The following COL21A1 variants were observed in gnomAD, a reference collection of about 807,000 sequenced individuals.
COL21A1 encodes the protein collagen alpha-1(XXI) chain.
In COL21A1, 149 loss-of-function variants were observed where a neutral mutation model predicts 137.9. The ratio of observed to expected loss-of-function variants is 1.08; its 90% CI spans 0.95 to 1.24. The LOEUF (loss-of-function observed/expected upper bound fraction) is 1.24. Ranked by LOEUF, COL21A1 falls within the 50% of genes most tolerant of loss-of-function variation. The probability of loss-of-function intolerance (pLI) is 0.00; values close to 1 mark genes in which losing one functional copy is unlikely to be tolerated. For synonymous variants in COL21A1, 456 were observed against 391.5 expected (o/e 1.16, Z -1.95); for missense variants, 1,167 against 1,158.4 (o/e 1.01, Z -0.11).
chr6:56,120,924 T>C (rs1772448278), intron 16 of COL21A1, among the ~76,000 whole-genome samples: 1 of 152,204 alleles, frequency 6.6e-6, no homozygotes, highest in South Asian at 2.1e-4. Context: ...TCTGTGTTTC[T>C]GGCAGCACTT....
At chr6:56,063,022 G>A (rs1765947318) in intron 24 of COL21A1, among the ~76,000 whole-genome samples, 1 of 152,236 alleles carries the variant, frequency 6.6e-6, no homozygotes, top group East Asian at 1.9e-4. Context: ...CTAAGACTGT[G>A]TTTACATGAA....
At chr6:56,091,277 C>T (rs1483229646) in intron 17 of COL21A1, among the ~76,000 whole-genome samples, 1 of 152,154 alleles carries the variant, frequency 6.6e-6, no homozygotes, top group African/African-American at 2.4e-5. Flanking sequence ...GTAACTTGGA[C>T]TGGCTCAGCA....
chr6:56,211,454 C>A (rs1780172648), intron 1 of COL21A1, among the ~76,000 whole-genome samples: 1 of 151,922 alleles, frequency 6.6e-6, no homozygotes, highest in Admixed American at 6.6e-5. Flanking sequence ...CAGAAATATT[C>A]TTTCCTGTTC....
At chr6:56,082,760 G>C (rs1767900424) in intron 17 of COL21A1, among the ~76,000 whole-genome samples, 1 of 151,582 alleles carries the variant, frequency 6.6e-6, no homozygotes, top group Non-Finnish European at 1.5e-5. Context: ...GTTTGATAAA[G>C]AAAACACACT....
chr6:56,306,061 C>CCCCA (rs1562048198), intron 1 of COL21A1, among the ~76,000 whole-genome samples: 1 of 29,208 alleles, frequency 3.4e-5, no homozygotes, highest in South Asian at 0.019. Context: ...TGAATATTGG[C>CCCCA]ACTCTCTTCT....
At chr6:56,201,109 G>A (rs1182798759) in intron 1 of COL21A1, among the ~76,000 whole-genome samples, 1 of 152,114 alleles carries the variant, frequency 6.6e-6, no homozygotes, top group Non-Finnish European at 1.5e-5. Flanking sequence ...CTTCTTTTGA[G>A]AAGTGTCTGT....
rs1763245500 is a variant in COL21A1 at position 56,260,701 on chromosome 6, C to CAGTA, written c.-38-78046_-38-78045insTACT. Reference sequence around the variant, plus strand: ...GAAGGAAGGAAGGAAGGCAGGCAGGCAGGCAGGCAGGCAGGAAGGGAGGCA... The same window carrying CAGTA: ...GAAGGAAGGAAGGAAGGCAGGCAGGCAGTAAGGCAGGCAGGCAGGAAGGGAGGCA... On this transcript the variant is annotated intron_variant, in intron 1 of 28. Transcript: ENST00000370819. 2.4e-5 allele frequency among the ~76,000 whole-genome samples: 3 copies of CAGTA among 126,386 alleles called. No individual in the cohort carries two copies. In the Admixed American group the frequency reaches 2.5e-4, roughly 11 times the overall value. The allele number at this position is 126,386 out of a possible 152,430, so 82.9% of individuals were successfully genotyped here.
At chr6:56,160,124 C>T (rs564047012) in intron 9 of COL21A1, among the ~76,000 whole-genome samples, 26 of 152,190 alleles carry the variant, frequency 1.7e-4, no homozygotes, top group African/African-American at 6.3e-4. Context: ...TGGTATTGTT[C>T]CTATAAAACT....
intron 1 of COL21A1, among the ~76,000 whole-genome samples, chr6:56,230,721 G>C (rs942015904): frequency 6.6e-6 from 1 of 151,622 alleles, no homozygotes; most frequent in Non-Finnish European, 1.5e-5. Flanking sequence ...GCTTAATATT[G>C]CACAATTTTA....
At chr6:56,219,099 G>A (rs1028126949) in intron 1 of COL21A1, among the ~76,000 whole-genome samples, 6 of 149,544 alleles carry the variant, frequency 4.0e-5, no homozygotes, top group African/African-American at 7.4e-5. Flanking sequence ...ACCAGTTCTC[G>A]ATCAAACTGT....
At chr6:56,320,137 A>T (rs1332011142) in intron 1 of COL21A1, among the ~76,000 whole-genome samples, 1 of 152,118 alleles carries the variant, frequency 6.6e-6, no homozygotes, top group Non-Finnish European at 1.5e-5. Flanking sequence ...GTCTCACATA[A>T]TCTTATATAT....
At chr6:56,274,248 AC>A (rs1763590394) in intron 1 of COL21A1, among the ~76,000 whole-genome samples, 1 of 152,174 alleles carries the variant, frequency 6.6e-6, no homozygotes, top group African/African-American at 2.4e-5. Context: ...TGACAAACCC[AC>A]AGGCAACATC....
chr6:56,096,628 T>C (rs1364730589), intron 17 of COL21A1, among the ~76,000 whole-genome samples: 1 of 152,212 alleles, frequency 6.6e-6, no homozygotes, highest in East Asian at 1.9e-4. Flanking sequence ...TAATAAATTA[T>C]AGTGCTAGCC....
chr6:56,317,279 A>G (rs1175145518), intron 1 of COL21A1, among the ~76,000 whole-genome samples: 1 of 152,196 alleles, frequency 6.6e-6, no homozygotes, highest in African/African-American at 2.4e-5. Flanking sequence ...CTAGAATCTC[A>G]AAAATGATAT....
At chr6:56,261,573 C>T (rs1250702737) in intron 1 of COL21A1, among the ~76,000 whole-genome samples, 5 of 152,186 alleles carry the variant, frequency 3.3e-5, no homozygotes, top group Non-Finnish European at 7.3e-5. Flanking sequence ...TCACCAGACA[C>T]TGCATCTACA....
At chr6:56,285,541 A>G (rs1763889964) in intron 1 of COL21A1, among the ~76,000 whole-genome samples, 1 of 152,194 alleles carries the variant, frequency 6.6e-6, no homozygotes, top group Non-Finnish European at 1.5e-5. Flanking sequence ...TATACTTTAA[A>G]GGGGTTCATT....
chr6:56,098,004 AATATATAAATATATATAAAT>A, intron 17 of COL21A1, among the ~76,000 whole-genome samples: 3 of 35,370 alleles, frequency 8.5e-5, no homozygotes, highest in African/African-American at 4.3e-4. Context: ...TAAATATATA[AATATATAAATATATATAAAT>A]ATATATGTAA....
chr6:56,230,313 T>A (rs1367740118), intron 1 of COL21A1, among the ~76,000 whole-genome samples: 1 of 151,956 alleles, frequency 6.6e-6, no homozygotes, highest in Non-Finnish European at 1.5e-5. Flanking sequence ...TTTTTAATAG[T>A]ACGGTCTCTC....
upstream of COL21A1, among the ~76,000 whole-genome samples, chr6:56,251,379 A>G (rs1419058901): frequency 1.3e-5 from 2 of 152,218 alleles, no homozygotes; most frequent in Non-Finnish European, 2.9e-5. Context: ...ATTGTTTCTC[A>G]TTATATTCCC....
Sources: allele counts gnomAD v4.1 joint callset (sites outside exome capture counted in the v4.1 genomes callset), GRCh38; gene constraint gnomAD v4.1.1; transcripts MANE v1.5; gene names NCBI Gene and HGNC (gene_info 2026-07-23, HGNC 2026-07-21).